The following SIPA1L1 variants were observed in gnomAD, a reference collection of about 807,000 sequenced individuals.
The protein encoded by SIPA1L1 is signal-induced proliferation-associated 1-like protein 1.
In SIPA1L1, 26 loss-of-function variants were observed where a neutral mutation model predicts 162.7. The observed-to-expected ratio is 0.16, with a 90% CI of 0.12 to 0.22. The LOEUF is 0.22. Ranked by LOEUF, SIPA1L1 falls within the 10% of genes least tolerant of loss-of-function variation. The pLI is 1.00. For missense variants in SIPA1L1, 1,874 were observed against 2,241.0 expected (o/e 0.84, Z 3.31); for synonymous variants, 829 against 837.4 (o/e 0.99, Z 0.17).
chr14:71,422,143 C>T (rs747149058), intron 2 of SIPA1L1, among the ~76,000 whole-genome samples: 3 of 152,168 alleles, frequency 2.0e-5, no homozygotes, highest in Non-Finnish European at 4.4e-5. Context: ...TGTGTGTTGG[C>T]TCATACCTAT....
At chr14:71,651,368 G>A (rs2042603445) in intron 8 of SIPA1L1, among the ~76,000 whole-genome samples, 1 of 152,156 alleles carries the variant, frequency 6.6e-6, no homozygotes, top group South Asian at 2.1e-4. Context: ...ATTAAATAAG[G>A]AGTTGAGTCA....
chr14:71,368,281 G>C (rs1246381836), intron 2 of SIPA1L1, among the ~76,000 whole-genome samples: 3 of 142,798 alleles, frequency 2.1e-5, no homozygotes, highest in Non-Finnish European at 4.6e-5. Flanking sequence ...TCTAGCCTTA[G>C]GTATATCTCC....
At chr14:71,411,804 G>A (rs1026842503) in intron 2 of SIPA1L1, among the ~76,000 whole-genome samples, 1 of 152,216 alleles carries the variant, frequency 6.6e-6, no homozygotes, top group African/African-American at 2.4e-5. Flanking sequence ...CCTGATTTGG[G>A]TAGTTCCTGT....
chr14:71,431,189 G>A (rs746000918), intron 2 of SIPA1L1, among the ~76,000 whole-genome samples: 3 of 152,254 alleles, frequency 2.0e-5, no homozygotes, highest in South Asian at 2.1e-4. Context: ...TAGTAGTCCA[G>A]AGCTAAGGAT....
intron 2 of SIPA1L1, among the ~76,000 whole-genome samples, chr14:71,440,428 C>T (rs1038176734): frequency 6.6e-6 from 1 of 151,694 alleles, no homozygotes; most frequent in African/African-American, 2.4e-5. Flanking sequence ...CGAGGCAGGC[C>T]GACTACTTGA....
chr14:71,627,606 T>G (rs1218534197), intron 7 of SIPA1L1, among the ~76,000 whole-genome samples: 1 of 152,198 alleles, frequency 6.6e-6, no homozygotes, highest in Non-Finnish European at 1.5e-5. Flanking sequence ...TACAGTACAG[T>G]TGGGGGCATC....
chr14:71,431,964 C>T (rs941328648), intron 2 of SIPA1L1, among the ~76,000 whole-genome samples: 4 of 151,610 alleles, frequency 2.6e-5, no homozygotes, highest in East Asian at 1.9e-4. Flanking sequence ...TATAGACAGC[C>T]GTGTAGAAAT....
At position 71,460,032 on chromosome 14, in the gene SIPA1L1, A is replaced by G. The variant is rs774564712; in HGVS notation, c.-464-52711A>G. ...TACCATTACATAAAGTTAATAATAC[A>G]TAAATGCTGATATGAAGTCAATAAA... On this transcript the variant is annotated intron_variant, in intron 2 of 23. Transcript: ENST00000381232. Among the ~76,000 whole-genome samples, 5 of 152,358 alleles carry G rather than the reference A, an allele frequency of 3.3e-5. No homozygotes were observed. The South Asian group carries it at 8.3e-4, about 25-fold the overall frequency.
chr14:71,537,321 C>G (rs1368168542), intron 4 of SIPA1L1, among the ~76,000 whole-genome samples: 1 of 152,290 alleles, frequency 6.6e-6, no homozygotes, highest in East Asian at 1.9e-4. Flanking sequence ...CCACCTCCAC[C>G]TCTCAAGTAG....
At chr14:71,391,987 A>G (rs189335948) in intron 2 of SIPA1L1, among the ~76,000 whole-genome samples, 3 of 152,326 alleles carry the variant, frequency 2.0e-5, no homozygotes, top group East Asian at 1.9e-4. Flanking sequence ...ATCTGAAGCC[A>G]TTCAGCATCA....
intron 12 of SIPA1L1, among the ~76,000 whole-genome samples, 194 bp downstream of exon 12, chr14:71,672,816 G>T (rs2044672191): frequency 6.6e-6 from 1 of 152,230 alleles, no homozygotes; most frequent in East Asian, 1.9e-4. Flanking sequence ...CAGCTGGAAA[G>T]AGTGACTAAA....
chr14:71,431,462 G>C (rs1012564259), intron 2 of SIPA1L1, among the ~76,000 whole-genome samples: 1 of 152,178 alleles, frequency 6.6e-6, no homozygotes, highest in African/African-American at 2.4e-5. Context: ...GGAGGCTGAG[G>C]CAGGAGAATC....
intron 4 of SIPA1L1, among the ~76,000 whole-genome samples, chr14:71,584,072 A>T (rs553122383): frequency 6.6e-6 from 1 of 151,260 alleles, no homozygotes; most frequent in South Asian, 2.1e-4. Flanking sequence ...AATACCTTTT[A>T]TACCCCTTTC....
chr14:71,543,972 C>T (rs147872610), intron 4 of SIPA1L1, among the ~76,000 whole-genome samples: 20 of 148,064 alleles, frequency 1.4e-4, no homozygotes, highest in Admixed American at 3.3e-4. Context: ...TGTATATATA[C>T]ACACACGCAC....
At chr14:71,570,021 A>T (rs1014154534) in intron 4 of SIPA1L1, among the ~76,000 whole-genome samples, 5 of 152,088 alleles carry the variant, frequency 3.3e-5, no homozygotes, top group African/African-American at 1.2e-4. Context: ...TCTACTATGG[A>T]AGGCAGATTT....
chr14:71,472,848 T>TAAAAAA (rs35990139), intron 2 of SIPA1L1, among the ~76,000 whole-genome samples: 5 of 120,476 alleles, frequency 4.2e-5, no homozygotes, highest in African/African-American at 6.4e-5. Flanking sequence ...TATGAAAACT[T>TAAAAAA]AAAAAAAAAA....
chr14:71,632,781 A>G (rs1217461899), intron 7 of SIPA1L1, among the ~76,000 whole-genome samples: 1 of 152,198 alleles, frequency 6.6e-6, no homozygotes, highest in African/African-American at 2.4e-5. Context: ...CTAGCAATAC[A>G]GAGGTGTTGC....
intron 2 of SIPA1L1, among the ~76,000 whole-genome samples, chr14:71,370,306 A>G (rs1346779700): frequency 6.6e-6 from 1 of 151,848 alleles, no homozygotes; most frequent in African/African-American, 2.4e-5. Flanking sequence ...GGTTTGTCAT[A>G]GATAGCTCTT....
intron 6 of SIPA1L1, among the ~76,000 whole-genome samples, chr14:71,623,087 C>A (rs542286945): frequency 2.6e-5 from 4 of 152,190 alleles, no homozygotes; most frequent in Non-Finnish European, 5.9e-5. Flanking sequence ...ATGCCCTGAG[C>A]CACTGTGGTC....
Sources: allele counts gnomAD v4.1 joint callset (sites outside exome capture counted in the v4.1 genomes callset), GRCh38; gene constraint gnomAD v4.1.1; transcripts MANE v1.5; gene names NCBI Gene and HGNC (gene_info 2026-07-23, HGNC 2026-07-21).